Variants in SPECC1 observed in about 807,000 individuals in gnomAD.
SPECC1 encodes the protein sperm antigen with calponin homology and coiled-coil domains 1, also known as cytospin-B.
SPECC1 carries 62 observed loss-of-function variants against 104.1 expected under a neutral mutation model. The observed-to-expected ratio is 0.60, with a 90% CI of 0.49 to 0.74. The LOEUF is 0.74. Among genes scored for constraint, SPECC1 ranks in the 30% least tolerant of loss-of-function variants. SPECC1 has a pLI of 0.00. For synonymous variants in SPECC1, 513 were observed against 501.6 expected (o/e 1.02, Z -0.30); for missense variants, 1,306 against 1,310.5 (o/e 1.00, Z 0.05).
chr17:20,239,046 T>C, intron 7 of SPECC1: 1 of 1,032,888 alleles, frequency 9.7e-7, no homozygotes. Flanking sequence ...AAGTTGTAAA[T>C]AGGAGGTTGA....
At chr17:20,126,297 C>T (rs537149134) in intron 3 of SPECC1, 2 of 151,632 alleles carry the variant, frequency 1.3e-5, no homozygotes, top group Non-Finnish European at 2.9e-5. Flanking sequence ...TCATTCCTTC[C>T]TTCCTTTTTG....
intron 11 of SPECC1, among the ~76,000 whole-genome samples, chr17:20,258,310 G>T (rs921642061): frequency 2.6e-5 from 4 of 152,186 alleles, no homozygotes; most frequent in African/African-American, 9.7e-5. Flanking sequence ...GGAATGGTTG[G>T]CAGAGGGAGA....
chr17:20,248,527 T>TA (rs2039507945), intron 9 of SPECC1, among the ~76,000 whole-genome samples: 1 of 152,202 alleles, frequency 6.6e-6, no homozygotes. Context: ...CCCTCCCGCT[T>TA]ACAGTACTAT....
Position 20,204,873 on chromosome 17 carries a change from G to A in SPECC1, c.824G>A (p.Cys275Tyr), listed in dbSNP as rs1597968546. The change falls in exon 4 of 15, where the codon TGC becomes TAC. Residue 275 changes from cysteine (C) to tyrosine (Y), a missense_variant. Physicochemically the swap from Cys to Tyr is radical, Grantham distance 194. This residue lies in a region of SPECC1 where 1,177 missense variants were observed against 1,139.9 expected (regional missense o/e 1.03). Transcript: ENST00000395527. ...GCAAGTCACACTGGCGACAGCAGCT[G>A]CCCAACATCCATAACTCAAGAGTCA... ...GAASHTGDSS[C>Y]PTSITQESSF... is the part of the protein sequence containing the mutation. The A allele has an allele frequency of 6.2e-7, 1 of 1,613,994 alleles. No homozygotes were observed. Among genetic ancestry groups the A allele is most frequent in the African/African-American group, 1.3e-5 (1 of 75,006 alleles).
At chr17:20,078,500 A>G (rs560610692) in intron 1 of SPECC1, among the ~76,000 whole-genome samples, 3 of 152,300 alleles carry the variant, frequency 2.0e-5, no homozygotes, top group Admixed American at 6.5e-5. Flanking sequence ...CATGCAACAC[A>G]TTGGCAAAAA....
At chr17:20,125,411 AT>A (rs1429876383) in intron 3 of SPECC1, among the ~76,000 whole-genome samples, 2 of 151,764 alleles carry the variant, frequency 1.3e-5, no homozygotes, top group East Asian at 3.9e-4. Context: ...CATTTAATTC[AT>A]TTTCACATTG....
At chr17:20,053,324 C>T (rs1307661462) in intron 1 of SPECC1, among the ~76,000 whole-genome samples, 1 of 152,218 alleles carries the variant, frequency 6.6e-6, no homozygotes, top group Non-Finnish European at 1.5e-5. Context: ...TGGGTATGTT[C>T]ATTGCCTGTT....
intron 4 of SPECC1, among the ~76,000 whole-genome samples, chr17:20,224,638 T>C (rs1363065446): frequency 6.6e-6 from 1 of 152,122 alleles, no homozygotes; most frequent in African/African-American, 2.4e-5. Context: ...ACCCCAAGCC[T>C]GTGGCAGCAC....
intron 3 of SPECC1, among the ~76,000 whole-genome samples, chr17:20,113,258 GTTT>G (rs1457339731): frequency 6.6e-6 from 1 of 152,060 alleles, no homozygotes; most frequent in African/African-American, 2.4e-5. Context: ...GGTTTACCTG[GTTT>G]TATGACCAGG....
intron 12 of SPECC1, among the ~76,000 whole-genome samples, chr17:20,279,683 A>C (rs145015539): frequency 1.3e-5 from 2 of 152,026 alleles, no homozygotes; most frequent in African/African-American, 2.4e-5. Flanking sequence ...CTTATAATCA[A>C]TTTTTCAGTT....
At chr17:20,152,764 C>T (rs561687985) in intron 3 of SPECC1, among the ~76,000 whole-genome samples, 4 of 152,180 alleles carry the variant, frequency 2.6e-5, no homozygotes, top group South Asian at 2.1e-4. Context: ...CTCTGCCTCC[C>T]GGGTTCAAGC....
chr17:20,053,297 A>G (rs1386183191), intron 1 of SPECC1, among the ~76,000 whole-genome samples: 2 of 152,192 alleles, frequency 1.3e-5, no homozygotes, highest in Admixed American at 6.5e-5. Flanking sequence ...TATTCTTGCT[A>G]AAGTCATGAC....
At chr17:20,296,356 C>T (rs895204469) in intron 12 of SPECC1, among the ~76,000 whole-genome samples, 1 of 152,168 alleles carries the variant, frequency 6.6e-6, no homozygotes, top group South Asian at 2.1e-4. Flanking sequence ...TTTCCGAGGG[C>T]TCTATGCTGT....
chr17:20,252,199 T>C (rs1390108664), intron 9 of SPECC1, among the ~76,000 whole-genome samples: 2 of 152,188 alleles, frequency 1.3e-5, no homozygotes, highest in African/African-American at 4.8e-5. Flanking sequence ...TCTACTCTAT[T>C]AACAAATTTT....
At chr17:20,011,458 A>T (rs1180197620) in intron 1 of SPECC1, among the ~76,000 whole-genome samples, 5 of 152,052 alleles carry the variant, frequency 3.3e-5, no homozygotes, top group Non-Finnish European at 5.9e-5. Context: ...ACTCTTACAT[A>T]TCTGTATGTA....
intron 3 of SPECC1, among the ~76,000 whole-genome samples, chr17:20,154,098 T>C (rs1418970465): frequency 2.0e-5 from 3 of 152,236 alleles, no homozygotes; most frequent in African/African-American, 7.2e-5. Context: ...GTAATGTGTA[T>C]TTAAGGGCTA....
intron 3 of SPECC1, among the ~76,000 whole-genome samples, chr17:20,188,425 T>A (rs1221886023): frequency 6.6e-6 from 1 of 151,986 alleles, no homozygotes; most frequent in African/African-American, 2.4e-5. Context: ...GCCTGGCTAA[T>A]TTTTGTATTT....
chr17:20,257,326 C>A, intron 10 of SPECC1, 125 bp from the exon 11 acceptor site: 1 of 1,142,660 alleles, frequency 8.8e-7, no homozygotes, highest in Non-Finnish European at 1.2e-6. Context: ...TTTATTACTT[C>A]AGAAACTATA....
chr17:20,222,964 T>TA (rs1288727421), intron 4 of SPECC1, among the ~76,000 whole-genome samples: 6 of 152,194 alleles, frequency 3.9e-5, no homozygotes, highest in African/African-American at 1.4e-4. Context: ...TTGCTGCTTC[T>TA]AGGATCTTTT....
Sources: allele counts gnomAD v4.1 joint callset (sites outside exome capture counted in the v4.1 genomes callset), GRCh38; gene constraint gnomAD v4.1.1; regional missense constraint gnomAD v4.1.1; transcripts MANE v1.5; gene names NCBI Gene and HGNC (gene_info 2026-07-23, HGNC 2026-07-21).